DEPDC5: variants seen among roughly 807,000 people sequenced by gnomAD.
The protein encoded by DEPDC5 is DEP domain containing 5, GATOR1 subcomplex subunit.
A neutral mutation model predicts 217.3 loss-of-function variants in DEPDC5; 73 were observed. The ratio of observed to expected loss-of-function variants is 0.34; its 90% confidence interval spans 0.28 to 0.41. DEPDC5 has a LOEUF of 0.41. DEPDC5 is among the 10% of genes least tolerant of loss of function. The pLI is 1.00. For missense variants in DEPDC5, 1,675 were observed against 2,070.1 expected, an observed-to-expected ratio of 0.81 and a Z score of 3.70; for synonymous variants, 733 against 756.7, an observed-to-expected ratio of 0.97 and a Z score of 0.51.
Position 31,855,270 on chromosome 22 carries a change from T to A in DEPDC5, c.3156-2175T>A, listed in dbSNP as rs183047810. ...GAGCCACTGTGCCCAGCTAAAAAAA[T>A]TTTTTTGAGACAATTGAGGAAATAT... On this transcript the variant is annotated intron_variant, in intron 31 of 42. Transcript: ENST00000651528. Among the ~76,000 whole-genome samples the A allele has an allele frequency of 3.4e-3, 522 of 151,348 alleles. 4 individuals are homozygous for A. Among genetic ancestry groups the A allele is most frequent in the African/African-American group, 0.012 (488 of 41,286 alleles).
intron 14 of DEPDC5, among the ~76,000 whole-genome samples, chr22:31,800,522 C>A (rs2086756546): frequency 6.6e-6 from 1 of 152,078 alleles, no homozygotes; most frequent in Admixed American, 6.6e-5. Flanking sequence ...TTCTCATGGT[C>A]AGGAACTGGA....
chr22:31,806,783 ATTGT>A (rs1023939066), intron 18 of DEPDC5, among the ~76,000 whole-genome samples: 1 of 152,128 alleles, frequency 6.6e-6, no homozygotes, highest in African/African-American at 2.4e-5. Flanking sequence ...AGGAAGGAGG[ATTGT>A]TTGAAGCCAG....
chr22:31,844,219 T>G (rs1300521651), intron 29 of DEPDC5, among the ~76,000 whole-genome samples: 8 of 151,966 alleles, frequency 5.3e-5, no homozygotes, highest in Non-Finnish European at 8.8e-5. Context: ...AGAGTGAAAC[T>G]GTCTCAAAAA....
intron 38 of DEPDC5, chr22:31,880,203 TCTC>T: frequency 5.6e-6 from 1 of 179,470 alleles, no homozygotes. Flanking sequence ...TCTCTCTCTC[TCTC>T]CTCTTCCTTT....
chr22:31,879,633 A>G lies in DEPDC5; in HGVS notation c.3914A>G (p.His1305Arg). ...EVAFVAEELV[H>R]SEIPAFLLPW... ...GCCTTTGTGGCAGAAGAGCTCGTGC[A>G]CTCTGAGATTCCTGCCTTTCTCCTG... The change falls in exon 38 of 43, where the codon CAC (histidine) becomes CGC (arginine). Residue 1305 changes from histidine (H) to arginine (R), a missense_variant. Transcript: ENST00000651528. 6.2e-7 allele frequency: 1 copy of G among 1,613,942 alleles called. No individual in the cohort carries two copies. The highest frequency in any genetic ancestry group is 8.5e-7 in the Non-Finnish European group (1 of 1,179,998).
Position 31,842,975 on chromosome 22 carries a change from A to G in DEPDC5, c.2516-120A>G, listed in dbSNP as rs2091487237. On this transcript the variant is annotated intron_variant, in intron 27 of 42. Coordinates refer to ENST00000651528, the MANE Select transcript of DEPDC5 (RefSeq NM_001242896.3). The stretch of plus-strand genomic sequence containing the variant: ...TTTTAACCAAGAATAACTTTCTTCC[A>G]TGAAACTGCCCCTAAGAGAAAGTGT... The G allele has an allele frequency of 5.5e-6, 4 of 728,556 alleles. No individual in the cohort carries two copies. In the South Asian group the frequency reaches 9.6e-5, roughly 17 times the overall value. The allele number at this position is 728,556 out of a possible 1,614,324, so 45.1% of individuals were successfully genotyped here.
intron 6 of DEPDC5, among the ~76,000 whole-genome samples, chr22:31,767,122 C>T (rs113184648): frequency 6.6e-6 from 1 of 151,032 alleles, no homozygotes; most frequent in Non-Finnish European, 1.5e-5. Context: ...TACCCTCTTC[C>T]CGTTTTCCAC....
chr22:31,792,657 A>G (rs1601880830), intron 11 of DEPDC5, 88 bp from the exon 12 acceptor site: 1 of 456,564 alleles, frequency 2.2e-6, no homozygotes, highest in East Asian at 7.8e-5. Context: ...TTTTTTTGTG[A>G]TGCAAATCTT....
chr22:31,830,326 A>G (rs898069062), intron 24 of DEPDC5, among the ~76,000 whole-genome samples: 3 of 152,252 alleles, frequency 2.0e-5, no homozygotes, highest in Non-Finnish European at 4.4e-5. Flanking sequence ...TCCGAAGTCT[A>G]TGTCTGGCTT....
chr22:31,762,727 C>T (rs2082497883), intron 4 of DEPDC5, among the ~76,000 whole-genome samples: 1 of 152,158 alleles, frequency 6.6e-6, no homozygotes, highest in Non-Finnish European at 1.5e-5. Flanking sequence ...CACGCCATTG[C>T]ACTCCAGCCT....
intron 4 of DEPDC5, among the ~76,000 whole-genome samples, chr22:31,762,446 A>G (rs1345270692): frequency 6.6e-6 from 1 of 152,216 alleles, no homozygotes; most frequent in Non-Finnish European, 1.5e-5. Flanking sequence ...TTAAGAGAAA[A>G]AAACAAAATT....
chr22:31,764,707 T>A (rs927963777), intron 4 of DEPDC5, among the ~76,000 whole-genome samples: 1 of 152,136 alleles, frequency 6.6e-6, no homozygotes, highest in Non-Finnish European at 1.5e-5. Context: ...TTAGCCACCA[T>A]ACCCAGCCTC....
chr22:31,895,345 C>T (rs913995445), intron 39 of DEPDC5, among the ~76,000 whole-genome samples: 1 of 152,034 alleles, frequency 6.6e-6, no homozygotes, highest in Non-Finnish European at 1.5e-5. Context: ...CCTGCCTGTC[C>T]TTTCTCCTTC....
chr22:31,861,110 G>T (rs538589818), intron 32 of DEPDC5, among the ~76,000 whole-genome samples: 94 of 151,870 alleles, frequency 6.2e-4, no homozygotes, highest in African/African-American at 2.2e-3. Flanking sequence ...GCCCAGGAAG[G>T]TGTGAGTTTC....
At chr22:31,877,367 G>T (rs1313959419) in intron 37 of DEPDC5, among the ~76,000 whole-genome samples, 2 of 131,628 alleles carry the variant, frequency 1.5e-5, no homozygotes, top group African/African-American at 5.8e-5. Context: ...AACCCAGGAG[G>T]CAGAGGTTGC....
Position 31,806,201 on chromosome 22 carries a change from T to TA in DEPDC5, c.1287+11dup. On this transcript the variant is annotated intron_variant, in intron 18 of 42. Coordinates refer to ENST00000651528, the MANE Select transcript of DEPDC5 (RefSeq NM_001242896.3). Reference sequence around the variant, plus strand: ...ACTGGCAGGAAAGAAGGTAGGTTTTTATTTTTGTTAAGACGGGGTCTTATT... The same window carrying TA: ...ACTGGCAGGAAAGAAGGTAGGTTTTTAATTTTTGTTAAGACGGGGTCTTATT... 6.2e-7 allele frequency: 1 copy of TA among 1,611,780 alleles called. No individual in the cohort carries two copies. Among genetic ancestry groups the TA allele is most frequent in the Non-Finnish European group, 8.5e-7 (1 of 1,178,142 alleles).
At chr22:31,765,261 A>C (rs2082714148) in intron 5 of DEPDC5, among the ~76,000 whole-genome samples, 2 of 152,154 alleles carry the variant, frequency 1.3e-5, no homozygotes, top group Non-Finnish European at 2.9e-5. Context: ...CAGCCTGAGC[A>C]GCATAGTTAG....
intron 8 of DEPDC5, 59 bp from the exon 9 acceptor site, chr22:31,783,848 T>C: frequency 6.8e-7 from 1 of 1,469,028 alleles, no homozygotes; most frequent in Non-Finnish European, 9.4e-7. Flanking sequence ...CTTTTTCATC[T>C]TATAGAACTG....
intron 31 of DEPDC5, among the ~76,000 whole-genome samples, chr22:31,856,930 G>A (rs1196881882): frequency 6.6e-6 from 1 of 151,890 alleles, no homozygotes; most frequent in Non-Finnish European, 1.5e-5. Flanking sequence ...CTGCCACACC[G>A]GGCTAATTTT....
Sources: gnomAD v4.1 joint callset for allele counts (sites outside exome capture counted in the v4.1 genomes callset) on GRCh38, gnomAD v4.1.1 for gene constraint, MANE v1.5 for transcripts, NCBI Gene and HGNC (gene_info 2026-07-23, HGNC 2026-07-21) for gene names.